Variants in ZNF248 observed in about 807,000 individuals in gnomAD.
ZNF248 encodes zinc finger protein 248.
A neutral mutation model predicts 44.3 loss-of-function variants in ZNF248; 20 were observed. The ratio of observed to expected loss-of-function variants is 0.45; its 90% CI spans 0.32 to 0.66. ZNF248 has a LOEUF of 0.66. ZNF248 is among the 30% of genes least tolerant of loss of function. The pLI is 0.04. For missense variants in ZNF248, 654 were observed against 677.0 expected, an observed-to-expected ratio of 0.97 and a Z score of 0.38; for synonymous variants, 224 against 229.0, an observed-to-expected ratio of 0.98 and a Z score of 0.20.
At chr10:37,820,319 A>G in intron 6 of ZNF248, 1 of 1,401,492 alleles carries the variant, frequency 7.1e-7, no homozygotes. Flanking sequence ...GAGCTGAAAC[A>G]GAAGTGAAGC....
At chr10:37,803,583 A>T (rs2050103263) in intron 6 of ZNF248, 1 of 152,046 alleles carries the variant, frequency 6.6e-6, no homozygotes, top group Admixed American at 6.6e-5. Flanking sequence ...GGCCTTTTCC[A>T]CTCTGCTCTG....
chr10:37,813,932 T>C (rs987066217), intron 6 of ZNF248, among the ~76,000 whole-genome samples: 3 of 152,242 alleles, frequency 2.0e-5, no homozygotes, highest in Admixed American at 6.5e-5. Flanking sequence ...CCTGAGTCTC[T>C]TGTAGACAGT....
intron 3 of ZNF248, among the ~76,000 whole-genome samples, chr10:37,844,124 C>A (rs993795796): frequency 6.6e-6 from 1 of 152,170 alleles, no homozygotes; most frequent in African/African-American, 2.4e-5. Context: ...ACATTATTAT[C>A]AAACTATCAA....
At chr10:37,770,703 C>T in the ZNF248 span, among the ~76,000 whole-genome samples, 3 of 152,160 alleles carry the variant, frequency 2.0e-5, no homozygotes, top group African/African-American at 7.2e-5. Context: ...ATTCAGGACA[C>T]AGACATGGGG....
chr10:37,798,671 A>G (rs893604691), intron 6 of ZNF248, among the ~76,000 whole-genome samples: 1 of 152,176 alleles, frequency 6.6e-6, no homozygotes, highest in Non-Finnish European at 1.5e-5. Flanking sequence ...ACACAAACAT[A>G]TATGTATACA....
At chr10:37,768,091 A>T in the ZNF248 span, among the ~76,000 whole-genome samples, 1 of 152,222 alleles carries the variant, frequency 6.6e-6, no homozygotes, top group South Asian at 2.1e-4. Flanking sequence ...CTAAATACGT[A>T]TGCACCCAAT....
intron 6 of ZNF248, among the ~76,000 whole-genome samples, chr10:37,780,589 C>T (rs1463560682): frequency 1.3e-5 from 2 of 152,216 alleles, no homozygotes; most frequent in African/African-American, 4.8e-5. Flanking sequence ...GTGAGGACTC[C>T]TCGTCCCACG....
intron 6 of ZNF248, among the ~76,000 whole-genome samples, chr10:37,800,586 G>A (rs1035669057): frequency 6.6e-6 from 1 of 152,124 alleles, no homozygotes; most frequent in East Asian, 1.9e-4. Flanking sequence ...ACATATGTGT[G>A]CATGTGTCTT....
Position 37,831,155 on chromosome 10 carries a change from G to GT in ZNF248, c.*459dup. 1.3e-6 allele frequency: 2 copies of GT among 1,501,708 alleles called. No individual in the cohort carries two copies. The highest frequency in any genetic ancestry group is 1.8e-6 in the Non-Finnish European group (2 of 1,122,886). 93.0% of individuals were successfully genotyped at this position (1,501,708 alleles called of 1,614,324 possible). The stretch of plus-strand genomic sequence containing the variant: ...ATAGTAGTTACTCAATTAAGGGTAC[G>GT]TATCTTCTCCTTATGATCATGTTGA... On this transcript the variant is annotated 3_prime_UTR_variant, in exon 6 of 6. Transcript: ENST00000395867.
intron 2 of ZNF248, 48 bp downstream of exon 2, chr10:37,856,387 A>C: frequency 6.2e-7 from 1 of 1,605,596 alleles, no homozygotes; most frequent in Non-Finnish European, 8.5e-7. Context: ...CCGGCCTTGC[A>C]GTTCGGAGAT....
intron 3 of ZNF248, among the ~76,000 whole-genome samples, chr10:37,841,897 T>C (rs2058414295): frequency 6.6e-6 from 1 of 152,130 alleles, no homozygotes; most frequent in African/African-American, 2.4e-5. Context: ...CCCTCAAAAC[T>C]GTCAGGGTTA....
chr10:37,774,593 T>A (rs2046435913), downstream of ZNF248, among the ~76,000 whole-genome samples: 1 of 152,152 alleles, frequency 6.6e-6, no homozygotes, highest in South Asian at 2.1e-4. Context: ...CTGGATCAAT[T>A]GAGCTGTCCT....
intron 3 of ZNF248, among the ~76,000 whole-genome samples, chr10:37,851,477 T>C (rs994488572): frequency 6.6e-6 from 1 of 152,184 alleles, no homozygotes; most frequent in Non-Finnish European, 1.5e-5. Flanking sequence ...TGTTCTTTGA[T>C]GAAGATGCCA....
chr10:37,762,805 G>A, the ZNF248 span, among the ~76,000 whole-genome samples: 1 of 152,138 alleles, frequency 6.6e-6, no homozygotes, highest in African/African-American at 2.4e-5. Context: ...TGAAATATGG[G>A]TGGTTTTCTT....
At chr10:37,814,900 T>C (rs1336578479) in intron 6 of ZNF248, among the ~76,000 whole-genome samples, 4 of 152,236 alleles carry the variant, frequency 2.6e-5, no homozygotes, top group Non-Finnish European at 5.9e-5. Context: ...TTGAAGTTTA[T>C]TGTGTTTCTT....
At chr10:37,853,371 C>A (rs867134662) in intron 3 of ZNF248, among the ~76,000 whole-genome samples, 1 of 151,822 alleles carries the variant, frequency 6.6e-6, no homozygotes, top group Non-Finnish European at 1.5e-5. Flanking sequence ...CAGAAGTCAT[C>A]GGAATGGTTT....
rs140827566 is a variant in ZNF248, at chr10:37,842,628, T to C, written c.16-4517A>G. Reference sequence around the variant, plus strand: ...TACCTGAAGGACTGATGCAATATGCTTGTCTCTGTTTCACCTAACTCAGAA... The same window carrying C: ...TACCTGAAGGACTGATGCAATATGCCTGTCTCTGTTTCACCTAACTCAGAA... On this transcript the variant is annotated intron_variant, in intron 3 of 5. Transcript: ENST00000395867. Among the ~76,000 whole-genome samples the C allele has an allele frequency of 2.0e-5, 3 of 152,294 alleles. No homozygotes were observed. The East Asian group carries it at 5.8e-4, about 29-fold the overall frequency.
At chr10:37,836,991 AT>A (rs978335502) in intron 5 of ZNF248, among the ~76,000 whole-genome samples, 7 of 152,184 alleles carry the variant, frequency 4.6e-5, no homozygotes, top group African/African-American at 1.7e-4. Flanking sequence ...AAGGCAAACA[AT>A]TTTAAAAGAT....
chr10:37,792,309 A>C (rs2048655064), intron 6 of ZNF248, among the ~76,000 whole-genome samples: 2 of 152,230 alleles, frequency 1.3e-5, no homozygotes, highest in Non-Finnish European at 2.9e-5. Context: ...AAACAAACTG[A>C]GCAACAAAAG....
Sources: gnomAD v4.1 joint callset for allele counts (sites outside exome capture counted in the v4.1 genomes callset) on GRCh38, gnomAD v4.1.1 for gene constraint, MANE v1.5 for transcripts, NCBI Gene and HGNC (gene_info 2026-07-23, HGNC 2026-07-21) for gene names.